The following TADA2B variants were observed in gnomAD, a reference collection of about 807,000 sequenced individuals.
The protein encoded by TADA2B is transcriptional adaptor 2B.
TADA2B carries 13 observed loss-of-function variants against 34.5 expected under a neutral mutation model. The observed-to-expected ratio is 0.38, with a 90% CI of 0.25 to 0.60. TADA2B has a LOEUF of 0.60. Among genes scored for constraint, TADA2B ranks in the 20% least tolerant of loss-of-function variants. The pLI is 0.65. For synonymous variants in TADA2B, 240 were observed against 243.4 expected (o/e 0.99, Z 0.13); for missense variants, 442 against 575.0 (o/e 0.77, Z 2.37).
In TADA2B at chr4:7,043,572, G is replaced by C; in HGVS notation, c.-8G>C. Reference sequence around the variant, plus strand: ...GCGGGCCGGGCGGCGGGCGGCGAGCGGGGGAAGATGGCGGAGCTGGGGAAG... The same window carrying C: ...GCGGGCCGGGCGGCGGGCGGCGAGCCGGGGAAGATGGCGGAGCTGGGGAAG... On this transcript the variant is annotated 5_prime_UTR_variant, in exon 1 of 2. Transcript: ENST00000310074. The C allele has an allele frequency of 8.0e-7, 1 of 1,250,760 alleles. No individual in the cohort carries two copies. The highest frequency in any genetic ancestry group is 1.0e-6 in the Non-Finnish European group (1 of 991,404). The allele number at this position is 1,250,760 out of a possible 1,614,324, so 77.5% of individuals were successfully genotyped here. A position where few individuals can be genotyped will look rare whatever the true frequency, so the allele number is the denominator to read the frequency against.
At position 7,054,736 on chromosome 4, in the gene TADA2B, G is replaced by A. The variant is rs750943990; in HGVS notation, c.945G>A (p.Arg315=). ...SAEYEAARHK[R]EKRKENKNLA... is the part of the protein sequence containing the mutation. ...AGTACGAGGCAGCGCGGCATAAACG[G>A]GAGAAGAGGAAGGAGAACAAAAACC... The change falls in exon 2 of 2, where the codon CGG becomes CGA. Residue 315 remains arginine, a synonymous_variant. Transcript: ENST00000310074. 1 of 1,613,956 alleles carries A rather than the reference G, an allele frequency of 6.2e-7. No homozygotes were observed.
At chr4:7,046,522 C>A (rs1349920923) in intron 1 of TADA2B, among the ~76,000 whole-genome samples, 4 of 152,220 alleles carry the variant, frequency 2.6e-5, no homozygotes, top group African/African-American at 9.6e-5. Flanking sequence ...CAGGAATGAA[C>A]GCAGGCCTAT....
intron 1 of TADA2B, among the ~76,000 whole-genome samples, chr4:7,047,932 C>A (rs1006041071): frequency 1.3e-5 from 2 of 152,202 alleles, no homozygotes; most frequent in Non-Finnish European, 2.9e-5. Flanking sequence ...CACCATCTCC[C>A]CGTCCCCTAA....
At chr4:7,047,350 T>G (rs929028581) in intron 1 of TADA2B, among the ~76,000 whole-genome samples, 3 of 152,176 alleles carry the variant, frequency 2.0e-5, no homozygotes, top group African/African-American at 7.2e-5. Flanking sequence ...CCTTGTGGTT[T>G]TGAATCAAAT....
Position 7,055,283 on chromosome 4 carries a change from T to C in TADA2B, c.*229T>C, listed in dbSNP as rs1723863620. 3 of 536,038 alleles carry C rather than the reference T, an allele frequency of 5.6e-6. No homozygotes were observed. The East Asian group carries it at 9.4e-5, about 17-fold the overall frequency. The allele number at this position is 536,038 out of a possible 1,614,324, so 33.2% of individuals were successfully genotyped here. On this transcript the variant is annotated 3_prime_UTR_variant, in exon 2 of 2. Transcript: ENST00000310074. ...ATTTTAAGTGAGTTCCTGCGAGTCA[T>C]ACACTGCGATGATGCTCCGCCTTTA...
At chr4:7,053,938 G>A in intron 1 of TADA2B, 124 bp from the exon 2 acceptor site, 1 of 1,097,464 alleles carries the variant, frequency 9.1e-7, no homozygotes, top group Non-Finnish European at 1.3e-6. Flanking sequence ...CTTTGGGGAG[G>A]GTGGGTAACG....
At chr4:7,048,788 C>T (rs928146154) in intron 1 of TADA2B, among the ~76,000 whole-genome samples, 3 of 152,122 alleles carry the variant, frequency 2.0e-5, no homozygotes, top group African/African-American at 4.8e-5. Flanking sequence ...TCCCGTCTGG[C>T]GCTAGGGACC....
At chr4:7,043,993 C>T (rs1389042206) in intron 1 of TADA2B, 144 bp downstream of exon 1, 2 of 1,161,228 alleles carry the variant, frequency 1.7e-6, no homozygotes, top group Non-Finnish European at 2.2e-6. Flanking sequence ...GCGACGCTGC[C>T]GGTTTATAGT....
chr4:7,055,237 A>G lies in TADA2B; in HGVS notation c.*183A>G. 1.6e-6 allele frequency: 1 copy of G among 637,248 alleles called. No homozygotes were observed. The highest frequency in any genetic ancestry group is 2.2e-5 in the South Asian group (1 of 45,284). 39.5% of individuals were successfully genotyped at this position (637,248 alleles called of 1,614,324 possible). ...AATAGTAACAATCTTATATTGGATC[A>G]TGGGGGAAGCAAATGTGTGTATTTT... On this transcript the variant is annotated 3_prime_UTR_variant, in exon 2 of 2. Coordinates refer to ENST00000310074, the MANE Select transcript of TADA2B (RefSeq NM_152293.3).
chr4:7,043,924 A>C lies in TADA2B; in HGVS notation c.270+75A>C. The C allele has an allele frequency of 2.1e-6, 3 of 1,408,152 alleles. No individual in the cohort carries two copies. In the South Asian group the frequency reaches 4.7e-5, roughly 22 times the overall value. 87.2% of individuals were successfully genotyped at this position (1,408,152 alleles called of 1,614,324 possible). A position where few individuals can be genotyped will look rare whatever the true frequency, so the allele number is the denominator to read the frequency against. On this transcript the variant is annotated intron_variant, in intron 1 of 1. Transcript: ENST00000310074. ...GCGCCTCTCCTGTAATCGGGCGCGC[A>C]GGCAGCGCTGGACCTGCTCGCTCGC...
intron 1 of TADA2B, among the ~76,000 whole-genome samples, chr4:7,049,869 C>A (rs146025084): frequency 2.6e-5 from 4 of 152,258 alleles, no homozygotes; most frequent in Admixed American, 1.3e-4. Flanking sequence ...TTTGCCCGGC[C>A]GCTCTGTCCT....
intron 1 of TADA2B, among the ~76,000 whole-genome samples, chr4:7,044,202 A>G (rs1455697984): frequency 6.6e-6 from 1 of 152,186 alleles, no homozygotes; most frequent in Non-Finnish European, 1.5e-5. Flanking sequence ...TCGTGGAGAC[A>G]GGCAGGCCCA....
intron 1 of TADA2B, among the ~76,000 whole-genome samples, chr4:7,048,428 G>A (rs1344680457): frequency 1.3e-5 from 2 of 152,274 alleles, no homozygotes; most frequent in Non-Finnish European, 2.9e-5. Flanking sequence ...AGTCAGGGGT[G>A]GGGCTTAGAA....
intron 1 of TADA2B, among the ~76,000 whole-genome samples, chr4:7,049,588 T>C: frequency 6.6e-6 from 1 of 152,078 alleles, no homozygotes; most frequent in East Asian, 1.9e-4. Context: ...CCAGGGACAG[T>C]GGGGTCTCCG....
At chr4:7,048,023 G>T (rs1215386488) in intron 1 of TADA2B, among the ~76,000 whole-genome samples, 1 of 152,188 alleles carries the variant, frequency 6.6e-6, no homozygotes, top group Non-Finnish European at 1.5e-5. Flanking sequence ...TCAACCCAAG[G>T]CTTCTGACTC....
intron 1 of TADA2B, among the ~76,000 whole-genome samples, chr4:7,052,076 C>T (rs1225739179): frequency 1.3e-5 from 2 of 152,228 alleles, no homozygotes; most frequent in Non-Finnish European, 2.9e-5. Flanking sequence ...CCCAGCCTCA[C>T]GTGCCTGGGA....
At chr4:7,049,513 G>A (rs1560392944) in intron 1 of TADA2B, among the ~76,000 whole-genome samples, 2 of 152,254 alleles carry the variant, frequency 1.3e-5, no homozygotes. Context: ...TGAGGTCTCT[G>A]AGTTGAGAGA....
At position 7,054,928 on chromosome 4, in the gene TADA2B, C is replaced by T. The variant is rs1560395967; in HGVS notation, c.1137C>T (p.Asp379=). ...YVTVKTIIIK[D]HLQKRQGIPS... ...CTGTGAAGACTATTATAATTAAAGA[C>T]CACCTCCAGAAGCGGCAAGGAATCC... The change falls in exon 2 of 2, where the codon GAC becomes GAT. Residue 379 remains aspartate (D), a synonymous_variant. Transcript: ENST00000310074. 1 of 1,613,790 alleles carries T rather than the reference C, an allele frequency of 6.2e-7. No individual in the cohort carries two copies. Among genetic ancestry groups the T allele is most frequent in the Non-Finnish European group, 8.5e-7 (1 of 1,179,904 alleles).
intron 1 of TADA2B, among the ~76,000 whole-genome samples, chr4:7,050,710 A>G (rs538427079): frequency 2.6e-5 from 4 of 152,326 alleles, no homozygotes; most frequent in East Asian, 1.9e-4. Context: ...TTCACTGCAC[A>G]TCACGGGGGC....
Sources: gnomAD v4.1 joint callset for allele counts (sites outside exome capture counted in the v4.1 genomes callset) on GRCh38, gnomAD v4.1.1 for gene constraint, MANE v1.5 for transcripts, NCBI Gene and HGNC (gene_info 2026-07-23, HGNC 2026-07-21) for gene names.